CERS3: variants seen among roughly 807,000 people sequenced by gnomAD.
CERS3 encodes the protein ceramide synthase 3, also known as LAG1 homolog, ceramide synthase 3.
Under a neutral mutation model 50.3 loss-of-function variants are expected in CERS3, and 33 were observed. That is an observed-to-expected ratio of 0.66 (90% CI 0.50 to 0.88). The LOEUF (loss-of-function observed/expected upper bound fraction) is 0.88. Ranked by LOEUF, CERS3 falls within the 40% of genes least tolerant of loss-of-function variation. CERS3 has a pLI of 0.00. For synonymous variants in CERS3, 176 were observed against 155.2 expected (o/e 1.13, Z -0.99); for missense variants, 470 against 460.3 (o/e 1.02, Z -0.19).
intron 1 of CERS3, among the ~76,000 whole-genome samples, chr15:100,541,130 C>A (rs2037191809): frequency 6.6e-6 from 1 of 152,160 alleles, no homozygotes; most frequent in Non-Finnish European, 1.5e-5. Flanking sequence ...ATCAACAGAT[C>A]AGCTGAGCTA....
At chr15:100,494,792 G>A (rs72759146) in intron 3 of CERS3, among the ~76,000 whole-genome samples, 1 of 152,144 alleles carries the variant, frequency 6.6e-6, no homozygotes, top group Non-Finnish European at 1.5e-5. Flanking sequence ...TCATTCAGAG[G>A]TGAGAGCTTA....
intron 1 of CERS3, among the ~76,000 whole-genome samples, chr15:100,526,513 T>TGTGTGTGTGTGTGTGTGA (rs71151963): frequency 2.0e-5 from 3 of 151,538 alleles, no homozygotes; most frequent in Non-Finnish European, 4.4e-5. Context: ...TGTGTGTGTG[T>TGTGTGTGTGTGTGTGTGA]AAAAACAACT....
At chr15:100,500,333 A>G (rs1339676344) in intron 3 of CERS3, 1 of 152,252 alleles carries the variant, frequency 6.6e-6, no homozygotes, top group African/African-American at 2.4e-5. Flanking sequence ...CAATGGTCCT[A>G]GGAATTAAGA....
chr15:100,530,051 G>A (rs1313111327), upstream of CERS3, among the ~76,000 whole-genome samples: 1 of 152,182 alleles, frequency 6.6e-6, no homozygotes, highest in African/African-American at 2.4e-5. Flanking sequence ...TTCCCGGTCT[G>A]CCTTTCTCTT....
intron 11 of CERS3, among the ~76,000 whole-genome samples, chr15:100,407,908 G>T (rs2031179478): frequency 6.6e-6 from 1 of 152,030 alleles, no homozygotes; most frequent in South Asian, 2.1e-4. Flanking sequence ...TTTTGTTCTT[G>T]TTGCCCAGGC....
At chr15:100,450,017 T>C (rs1422328049) in intron 11 of CERS3, among the ~76,000 whole-genome samples, 1 of 152,080 alleles carries the variant, frequency 6.6e-6, no homozygotes, top group Non-Finnish European at 1.5e-5. Flanking sequence ...ATAATGTGAA[T>C]GAGAGGTTTA....
chr15:100,402,635 G>A lies in CERS3; in HGVS notation c.*78C>T, dbSNP rs1231715229. The A allele has an allele frequency of 9.9e-6, 14 of 1,413,918 alleles. No individual in the cohort carries two copies. The highest frequency in any genetic ancestry group is 2.4e-4 in the Middle Eastern group (1 of 4,116). 87.6% of individuals were successfully genotyped at this position (1,413,918 alleles called of 1,614,324 possible). ...GAAAGAGGGAAGGGCAGAATGTGGG[G>A]TCGGTGTGGGGCCTGGAAGCCAGGC... On this transcript the variant is annotated 3_prime_UTR_variant, in exon 12 of 12. Coordinates refer to ENST00000679737, the MANE Select transcript of CERS3 (RefSeq NM_001378789.1).
intron 10 of CERS3, among the ~76,000 whole-genome samples, chr15:100,460,487 T>A (rs1024575494): frequency 6.6e-6 from 1 of 152,220 alleles, no homozygotes; most frequent in South Asian, 2.1e-4. Context: ...CCATTCTGGT[T>A]TGCTGGATCC....
chr15:100,431,765 T>C (rs2033147749), intron 11 of CERS3, among the ~76,000 whole-genome samples: 2 of 152,316 alleles, frequency 1.3e-5, no homozygotes, highest in South Asian at 4.1e-4. Flanking sequence ...ATCTCACCTC[T>C]GTAGATTTAA....
chr15:100,465,993 A>C (rs1445128887), intron 10 of CERS3, among the ~76,000 whole-genome samples: 2 of 152,106 alleles, frequency 1.3e-5, no homozygotes, highest in African/African-American at 4.8e-5. Flanking sequence ...GTCTGTTCAT[A>C]TTGGTTTATT....
intron 11 of CERS3, among the ~76,000 whole-genome samples, chr15:100,442,277 T>A (rs1476399257): frequency 6.6e-6 from 1 of 152,180 alleles, no homozygotes; most frequent in East Asian, 1.9e-4. Flanking sequence ...GCCGTCTTAT[T>A]CTCAATATAA....
chr15:100,544,443 G>GA, intron 1 of CERS3: 2 of 141,824 alleles, frequency 1.4e-5, no homozygotes, highest in African/African-American at 5.3e-5. Flanking sequence ...GGGGTCACGG[G>GA]CCCTCTCTCG....
chr15:100,477,767 G>C (rs144077072), intron 7 of CERS3, among the ~76,000 whole-genome samples: 1 of 152,272 alleles, frequency 6.6e-6, no homozygotes, highest in East Asian at 1.9e-4. Flanking sequence ...CTGGTGTTCA[G>C]GTTGACTAAG....
chr15:100,501,170 G>A (rs79464226), intron 3 of CERS3, among the ~76,000 whole-genome samples: 3,706 of 152,256 alleles, frequency 0.024, 136 homozygotes, highest in African/African-American at 0.083. Context: ...ACTTTAGAAC[G>A]AAGGGCAGCT....
chr15:100,544,342 A>ACT (rs1281490097), intron 1 of CERS3: 1 of 52,952 alleles, frequency 1.9e-5, no homozygotes, highest in Non-Finnish European at 3.7e-5. Flanking sequence ...GAGCACGGGG[A>ACT]CTCTGGGCCT....
chr15:100,532,487 C>A (rs554620637), upstream of CERS3, among the ~76,000 whole-genome samples: 40 of 152,234 alleles, frequency 2.6e-4, 1 homozygote, highest in Non-Finnish European at 4.4e-5. Context: ...ACCAAACTGC[C>A]AGGTGCGATG....
chr15:100,486,546 T>A (rs1192423457), intron 4 of CERS3, among the ~76,000 whole-genome samples: 1 of 152,220 alleles, frequency 6.6e-6, no homozygotes, highest in East Asian at 1.9e-4. Flanking sequence ...AACCATGGAC[T>A]ACAAATCATT....
chr15:100,498,515 A>T (rs1260420751), intron 3 of CERS3, among the ~76,000 whole-genome samples: 1 of 152,182 alleles, frequency 6.6e-6, no homozygotes, highest in Non-Finnish European at 1.5e-5. Context: ...GAGAGGAAGA[A>T]AAAAGAATGA....
intron 11 of CERS3, among the ~76,000 whole-genome samples, chr15:100,439,271 C>G (rs1009264309): frequency 2.0e-5 from 3 of 152,174 alleles, no homozygotes; most frequent in South Asian, 2.1e-4. Flanking sequence ...GTGACTATTA[C>G]CAAAAATGCT....
Sources: gnomAD v4.1 joint callset for allele counts (sites outside exome capture counted in the v4.1 genomes callset) on GRCh38, gnomAD v4.1.1 for gene constraint, MANE v1.5 for transcripts, NCBI Gene and HGNC (gene_info 2026-07-23, HGNC 2026-07-21) for gene names.